The following SRPK2 variants were observed in gnomAD, a reference collection of about 807,000 sequenced individuals.
SRPK2 encodes SRSF protein kinase 2, also known as SFRS protein kinase 2.
A neutral mutation model predicts 90.8 loss-of-function variants in SRPK2; 21 were observed. The observed-to-expected ratio is 0.23, with a 90% CI of 0.16 to 0.33. The LOEUF (loss-of-function observed/expected upper bound fraction) is 0.33. Among genes scored for constraint, SRPK2 ranks in the 10% least tolerant of loss-of-function variants. SRPK2 has a pLI of 1.00. For synonymous variants in SRPK2, 288 were observed against 311.1 expected (o/e 0.93, Z 0.78); for missense variants, 620 against 869.0 (o/e 0.71, Z 3.60).
chr7:105,191,533 A>G (rs1330077913), intron 3 of SRPK2, among the ~76,000 whole-genome samples: 2 of 152,180 alleles, frequency 1.3e-5, no homozygotes, highest in South Asian at 2.1e-4. Flanking sequence ...CTTCCAGCCT[A>G]CGCAATAGAA....
intron 15 of SRPK2, among the ~76,000 whole-genome samples, chr7:105,120,858 CACA>C (rs1800242940): frequency 6.6e-6 from 1 of 152,248 alleles, no homozygotes; most frequent in Non-Finnish European, 1.5e-5. Context: ...TGCTAGGAGA[CACA>C]ACAAGAGTGG....
intron 11 of SRPK2, 144 bp downstream of exon 11, chr7:105,141,864 T>A (rs1803825095): frequency 1.2e-6 from 1 of 849,380 alleles, no homozygotes; most frequent in Admixed American, 2.7e-5. Flanking sequence ...ATCACATTAC[T>A]TCTTCAGGAG....
rs1307076444 is a variant in SRPK2 at position 105,319,508 on chromosome 7, G to GC, written c.71+69139_71+69140insG. On this transcript the variant is annotated intron_variant, in intron 2 of 15. Transcript: ENST00000393651. ...TTAAATTTAATGCACTTGCGGCGGGGGGGGGGGGGGCGGTGGATGGCAGGG... is the reference window on the plus strand; with the variant it reads ...TTAAATTTAATGCACTTGCGGCGGGGCGGGGGGGGGGCGGTGGATGGCAGGG... Among the ~76,000 whole-genome samples, 9 of 118,768 alleles carry GC rather than the reference G, an allele frequency of 7.6e-5. 1 individual carries two copies. The highest frequency in any genetic ancestry group is 4.0e-4 in the South Asian group (1 of 2,510). 77.9% of individuals were successfully genotyped at this position (118,768 alleles called of 152,430 possible).
At chr7:105,199,819 G>A (rs550771959) in intron 3 of SRPK2, among the ~76,000 whole-genome samples, 1 of 150,960 alleles carries the variant, frequency 6.6e-6, no homozygotes, top group Non-Finnish European at 1.5e-5. Context: ...TCTGTACTGA[G>A]ATCTGAAAGT....
intron 2 of SRPK2, among the ~76,000 whole-genome samples, chr7:105,281,768 C>T (rs1283638499): frequency 6.6e-6 from 1 of 151,764 alleles, no homozygotes; most frequent in Admixed American, 6.6e-5. Flanking sequence ...AAGTACAAGG[C>T]TTGTACACTG....
intron 2 of SRPK2, among the ~76,000 whole-genome samples, chr7:105,226,354 A>G: frequency 6.6e-6 from 1 of 152,058 alleles, no homozygotes; most frequent in Non-Finnish European, 1.5e-5. Flanking sequence ...CAGTGGCACA[A>G]ATTCAGCTCA....
intron 11 of SRPK2, among the ~76,000 whole-genome samples, chr7:105,137,693 T>C (rs981453445): frequency 2.6e-5 from 4 of 152,196 alleles, no homozygotes; most frequent in African/African-American, 4.8e-5. Flanking sequence ...CTTCAATGGC[T>C]GCCAAATTAC....
chr7:105,146,791 T>C, intron 7 of SRPK2, 133 bp from the exon 8 acceptor site: 1 of 947,408 alleles, frequency 1.1e-6, no homozygotes, highest in Admixed American at 2.6e-5. Context: ...TTAGTAAAAA[T>C]CTCCCTCCCA....
At chr7:105,363,704 T>A (rs1818694971) in intron 2 of SRPK2, among the ~76,000 whole-genome samples, 1 of 152,216 alleles carries the variant, frequency 6.6e-6, no homozygotes, top group Non-Finnish European at 1.5e-5. Flanking sequence ...TTATAAATCA[T>A]GCTACTAGGC....
At chr7:105,248,437 A>AAT (rs1802019032) in intron 2 of SRPK2, among the ~76,000 whole-genome samples, 1 of 42,148 alleles carries the variant, frequency 2.4e-5, no homozygotes, top group Admixed American at 2.3e-4. Context: ...CAAAAAATTT[A>AAT]AAAAAAAAAA....
intron 2 of SRPK2, among the ~76,000 whole-genome samples, chr7:105,254,665 G>T (rs931021878): frequency 1.3e-4 from 19 of 148,942 alleles, no homozygotes; most frequent in African/African-American, 4.4e-4. Flanking sequence ...ACATCTGCTT[G>T]TTTTTTTTTT....
chr7:105,267,049 G>A (rs187519324), intron 2 of SRPK2, among the ~76,000 whole-genome samples: 3 of 152,208 alleles, frequency 2.0e-5, no homozygotes, highest in Admixed American at 2.0e-4. Flanking sequence ...GTAATCTCTG[G>A]TAAAACTGTG....
chr7:105,321,410 T>C lies in SRPK2; in HGVS notation c.71+67238A>G, dbSNP rs542794776. Among the ~76,000 whole-genome samples the C allele has an allele frequency of 1.8e-4, 28 of 152,282 alleles. No homozygotes were observed. In the East Asian group the frequency reaches 5.4e-3, roughly 29 times the overall value. On this transcript the variant is annotated intron_variant, in intron 2 of 15. Coordinates refer to ENST00000393651, the MANE Select transcript of SRPK2 (RefSeq NM_182692.3). ...ACAGGTAAATCTTCATGACCTTGGG[T>C]ATGACAACAGATTCTTAGATATAAC...
intron 2 of SRPK2, among the ~76,000 whole-genome samples, chr7:105,350,420 C>T (rs1317665374): frequency 1.3e-5 from 2 of 149,624 alleles, no homozygotes; most frequent in South Asian, 2.1e-4. Flanking sequence ...TGAGCCACCG[C>T]GCCTGGCCGA....
intron 7 of SRPK2, among the ~76,000 whole-genome samples, chr7:105,152,561 A>G (rs1255793090): frequency 6.6e-6 from 1 of 152,206 alleles, no homozygotes; most frequent in African/African-American, 2.4e-5. Flanking sequence ...GAACTCCTAC[A>G]ATTATTTATA....
intron 2 of SRPK2, among the ~76,000 whole-genome samples, chr7:105,255,933 A>T (rs555976611): frequency 3.9e-5 from 5 of 126,778 alleles, no homozygotes; most frequent in African/African-American, 1.3e-4. Flanking sequence ...AATTGAAAAA[A>T]AAAAAAAGAG....
At chr7:105,192,050 CTTTTTTT>C (rs34465290) in intron 3 of SRPK2, among the ~76,000 whole-genome samples, 1 of 143,818 alleles carries the variant, frequency 7.0e-6, no homozygotes, top group Non-Finnish European at 1.5e-5. Context: ...TCTGCTTCTG[CTTTTTTT>C]TTTTTTTTTA....
chr7:105,212,825 G>A (rs186243453), intron 2 of SRPK2, among the ~76,000 whole-genome samples: 72 of 152,252 alleles, frequency 4.7e-4, no homozygotes, highest in African/African-American at 1.7e-3. Context: ...CATGCATTCC[G>A]CATCCATGGA....
chr7:105,299,777 T>C (rs9641347), intron 2 of SRPK2, among the ~76,000 whole-genome samples: 26,089 of 151,790 alleles, frequency 0.17, 2,977 homozygotes, highest in East Asian at 0.63. Context: ...GCCTGTAATC[T>C]CAGCTACCTG....
Sources: allele counts gnomAD v4.1 joint callset (sites outside exome capture counted in the v4.1 genomes callset), GRCh38; gene constraint gnomAD v4.1.1; transcripts MANE v1.5; gene names NCBI Gene and HGNC (gene_info 2026-07-23, HGNC 2026-07-21).